MRPL22: variants seen among roughly 807,000 people sequenced by gnomAD.
MRPL22 encodes large ribosomal subunit protein uL22m.
A neutral mutation model predicts 32.4 loss-of-function variants in MRPL22; 27 were observed. The ratio of observed to expected loss-of-function variants is 0.83; its 90% CI spans 0.61 to 1.15. MRPL22 has a LOEUF of 1.15. Among genes scored for constraint, MRPL22 ranks in the 50% most tolerant of loss-of-function variants. The pLI, the probability that MRPL22 is intolerant of heterozygous loss-of-function variation, is 0.00. For synonymous variants in MRPL22, 86 were observed against 87.3 expected, an observed-to-expected ratio of 0.99 and a Z score of 0.08; for missense variants, 239 against 260.2, an observed-to-expected ratio of 0.92 and a Z score of 0.56.
chr5:154,965,585 T>C (rs1367728212), intron 6 of MRPL22, among the ~76,000 whole-genome samples: 1 of 151,924 alleles, frequency 6.6e-6, no homozygotes, highest in Non-Finnish European at 1.5e-5. Context: ...CCACCACAAC[T>C]GGCTAATTTT....
intron 6 of MRPL22, among the ~76,000 whole-genome samples, chr5:154,960,470 G>A (rs112731907): frequency 4.9e-4 from 75 of 152,228 alleles, no homozygotes; most frequent in African/African-American, 1.7e-3. Flanking sequence ...ATCCATAAAG[G>A]TGTCCTGTAA....
Position 154,957,214 on chromosome 5 carries a change from T to A in MRPL22, c.339+2T>A. ...AAAGGGGCCAAAATAATTAAAGAGG[T>A]AAACTTACAAGTTTGGGTGTGGTAG... On this transcript the variant is annotated splice_donor_variant, in intron 5 of 6. Transcript: ENST00000523037. LOFTEE classifies it high-confidence loss of function. 1 of 1,611,194 alleles carries A rather than the reference T, an allele frequency of 6.2e-7. No homozygotes were observed. The highest frequency in any genetic ancestry group is 8.5e-7 in the Non-Finnish European group (1 of 1,177,394).
At chr5:154,942,099 A>C (rs1764425504) in intron 2 of MRPL22, among the ~76,000 whole-genome samples, 1 of 152,100 alleles carries the variant, frequency 6.6e-6, no homozygotes, top group Admixed American at 6.5e-5. Context: ...AGGATTTAAA[A>C]AATTTTTTAA....
At chr5:154,961,805 G>C (rs1267509869) in intron 6 of MRPL22, among the ~76,000 whole-genome samples, 2 of 152,066 alleles carry the variant, frequency 1.3e-5, no homozygotes, top group African/African-American at 4.8e-5. Context: ...TCCTGCCCCA[G>C]CCTCCTGAGT....
At chr5:154,962,107 A>T (rs538633652) in intron 6 of MRPL22, among the ~76,000 whole-genome samples, 1 of 152,332 alleles carries the variant, frequency 6.6e-6, no homozygotes, top group East Asian at 1.9e-4. Context: ...GATTTACATT[A>T]TGATTTTTAA....
In MRPL22 at chr5:154,968,751, A is replaced by G. The variant is rs1220715974; in HGVS notation, c.*1854A>G. 1.3e-5 allele frequency: 2 copies of G among 152,202 alleles called. No individual in the cohort carries two copies. Among genetic ancestry groups the G allele is most frequent in the Non-Finnish European group, 2.9e-5 (2 of 68,042 alleles). 9.4% of individuals were successfully genotyped at this position (152,202 alleles called of 1,614,324 possible). ...AAAGCCAGGTGGTGCCATGGACATCATAAATATAAATTATGTAAGTGAAGG... is the reference window on the plus strand; with the variant it reads ...AAAGCCAGGTGGTGCCATGGACATCGTAAATATAAATTATGTAAGTGAAGG... On this transcript the variant is annotated 3_prime_UTR_variant, in exon 7 of 7. Transcript: ENST00000523037.
rs1262770728 is a variant in MRPL22 at position 154,968,251 on chromosome 5, C to T, written c.*1354C>T. ...TGGGTTTTTGTGTCTCTCCAGTTAA[C>T]CTAATGCATGGGTAAAAAGACATCA... On this transcript the variant is annotated 3_prime_UTR_variant, in exon 7 of 7. Transcript: ENST00000523037. 3 of 152,150 alleles carry T rather than the reference C, an allele frequency of 2.0e-5. No individual in the cohort carries two copies. The highest frequency in any genetic ancestry group is 2.9e-5 in the Non-Finnish European group (2 of 68,044). The allele number at this position is 152,150 out of a possible 1,614,324, so 9.4% of individuals were successfully genotyped here.
At chr5:154,948,120 A>G (rs1394395437) in intron 2 of MRPL22, among the ~76,000 whole-genome samples, 2 of 152,184 alleles carry the variant, frequency 1.3e-5, no homozygotes, top group Admixed American at 1.3e-4. Context: ...CCAGACATAT[A>G]CAAAAGTAGA....
intron 2 of MRPL22, among the ~76,000 whole-genome samples, chr5:154,944,962 G>T (rs1764469366): frequency 6.6e-6 from 1 of 152,216 alleles, no homozygotes; most frequent in Non-Finnish European, 1.5e-5. Flanking sequence ...GGTCAGAGAG[G>T]AAGGGGCAGT....
rs1003005368 is a variant in MRPL22 at position 154,967,714 on chromosome 5, T to G, written c.*817T>G. ...GTGTTCAACACTGCTTCCCTCTCAT[T>G]CATACACGTCTTCATTAAGAAGAAG... On this transcript the variant is annotated 3_prime_UTR_variant, in exon 7 of 7. Transcript: ENST00000523037. The surrounding 1 kb of genome is among the most constrained non-coding windows in gnomAD (Gnocchi z 4.7). 6.6e-6 allele frequency: 1 copy of G among 152,174 alleles called. No homozygotes were observed. 9.4% of individuals were successfully genotyped at this position (152,174 alleles called of 1,614,324 possible). A position where few individuals can be genotyped will look rare whatever the true frequency, so the allele number is the denominator to read the frequency against.
chr5:154,959,839 T>A (rs771217487), intron 5 of MRPL22, 141 bp from the exon 6 acceptor site: 10 of 618,952 alleles, frequency 1.6e-5, no homozygotes, highest in Non-Finnish European at 2.8e-5. Context: ...TGTACTCTTA[T>A]CATTTGATAT....
chr5:154,941,537 C>T (rs1764415462), intron 2 of MRPL22, among the ~76,000 whole-genome samples: 1 of 152,178 alleles, frequency 6.6e-6, no homozygotes, highest in Admixed American at 6.5e-5. Context: ...TTAGACTATT[C>T]CATCTCCATA....
intron 5 of MRPL22, among the ~76,000 whole-genome samples, chr5:154,958,661 C>T (rs1764663562): frequency 6.6e-6 from 1 of 150,436 alleles, no homozygotes; most frequent in South Asian, 2.1e-4. Context: ...TCTACTACCT[C>T]AGCCTACCGA....
chr5:154,960,602 T>C (rs983868491), intron 6 of MRPL22, among the ~76,000 whole-genome samples: 1 of 152,220 alleles, frequency 6.6e-6, no homozygotes, highest in South Asian at 2.1e-4. Flanking sequence ...AAGCATTAGC[T>C]CTGCTTTTAC....
At chr5:154,941,174 G>T in intron 1 of MRPL22, 36 bp downstream of exon 1, 1 of 1,614,186 alleles carries the variant, frequency 6.2e-7, no homozygotes, top group Non-Finnish European at 8.5e-7. Flanking sequence ...ACAGAAGGGA[G>T]TCGAGATGGA....
chr5:154,959,430 A>G (rs1425867929), intron 5 of MRPL22, among the ~76,000 whole-genome samples: 2 of 152,072 alleles, frequency 1.3e-5, no homozygotes, highest in Non-Finnish European at 2.9e-5. Flanking sequence ...TGCAGCCTCC[A>G]CCTCCTGGGT....
At chr5:154,943,716 C>T (rs900018477) in intron 2 of MRPL22, among the ~76,000 whole-genome samples, 1 of 151,010 alleles carries the variant, frequency 6.6e-6, no homozygotes, top group African/African-American at 2.4e-5. Flanking sequence ...GCTGTGTCAC[C>T]CAGGCTGGAG....
rs944672262 is a variant in MRPL22, at chr5:154,968,842, A to C, written c.*1945A>C. Reference sequence around the variant, plus strand: ...TAAGGAAAAAGTAGGATTGTAATGAAGAAAATTTCCTTCCCAGGTTAAGCC... The same window carrying C: ...TAAGGAAAAAGTAGGATTGTAATGACGAAAATTTCCTTCCCAGGTTAAGCC... On this transcript the variant is annotated 3_prime_UTR_variant, in exon 7 of 7. Transcript: ENST00000523037. 1.3e-5 allele frequency: 2 copies of C among 152,234 alleles called. No individual in the cohort carries two copies. Among genetic ancestry groups the C allele is most frequent in the Non-Finnish European group, 2.9e-5 (2 of 68,042 alleles). The allele number at this position is 152,234 out of a possible 1,614,324, so 9.4% of individuals were successfully genotyped here.
At chr5:154,955,925 G>A (rs943473705) in intron 3 of MRPL22, 2 of 161,506 alleles carry the variant, frequency 1.2e-5, no homozygotes, top group African/African-American at 4.8e-5. Flanking sequence ...TCTGATTCTA[G>A]AACCTATGCT....
Sources: gnomAD v4.1 joint callset for allele counts (sites outside exome capture counted in the v4.1 genomes callset) on GRCh38, gnomAD v4.1.1 for gene constraint, Gnocchi (gnomAD v3.1) non-coding constraint, MANE v1.5 for transcripts, NCBI Gene and HGNC (gene_info 2026-07-23, HGNC 2026-07-21) for gene names.